Variants in TLE2 observed in about 807,000 individuals in gnomAD.
TLE2 encodes the protein transducin-like enhancer protein 2.
Under a neutral mutation model 97.2 loss-of-function variants are expected in TLE2, and 74 were observed. That is an observed-to-expected ratio of 0.76 (90% CI 0.63 to 0.92). TLE2 has a LOEUF of 0.92. Among genes scored for constraint, TLE2 ranks in the 40% least tolerant of loss-of-function variants. The pLI, the probability that TLE2 is intolerant of heterozygous loss-of-function variation, is 0.00. For synonymous variants in TLE2, 499 were observed against 432.1 expected (o/e 1.15, Z -1.92); for missense variants, 1,038 against 1,008.7 (o/e 1.03, Z -0.39).
At chr19:3,006,072 T>C (rs372734700) in intron 15 of TLE2, 104 bp from the exon 16 acceptor site, 81 of 1,383,192 alleles carry the variant, frequency 5.9e-5, no homozygotes, top group Non-Finnish European at 8.3e-5. Flanking sequence ...AGCCTCATCC[T>C]GATTAGCCTG....
At chr19:3,031,339 C>T (rs899035847), upstream of TLE2, among the ~76,000 whole-genome samples, 1 of 126,090 alleles carries the variant, frequency 7.9e-6, no homozygotes, top group African/African-American at 3.0e-5. Flanking sequence ...GATAAAGATA[C>T]AATTGTGTGT....
chr19:3,043,884 T>C (rs1215365356), intron 1 of TLE2, among the ~76,000 whole-genome samples: 4 of 152,050 alleles, frequency 2.6e-5, no homozygotes, highest in Non-Finnish European at 4.4e-5. Flanking sequence ...CTCGGGAGGC[T>C]GAGGCAGGAG....
In TLE2 at chr19:3,008,825, G is replaced by A. The variant is rs767466363; in HGVS notation, c.1250+44C>T. ...GGTAAGACCTCAGAGGAGGTGGGGG[G>A]CTGGCCCGGGACCCCAGGCAGGGAG... On this transcript the variant is annotated intron_variant, in intron 14 of 19. Coordinates refer to ENST00000262953, the MANE Select transcript of TLE2 (RefSeq NM_003260.5). 2.5e-5 allele frequency: 37 copies of A among 1,458,572 alleles called. No homozygotes were observed. The Admixed American group carries it at 6.1e-4, about 24-fold the overall frequency. The allele number at this position is 1,458,572 out of a possible 1,614,324, so 90.4% of individuals were successfully genotyped here. A position where few individuals can be genotyped will look rare whatever the true frequency, so the allele number is the denominator to read the frequency against.
rs891151007 is a variant in TLE2, at chr19:3,026,057, T to C, written c.232-975A>G. Among the ~76,000 whole-genome samples the C allele has an allele frequency of 2.0e-4, 30 of 151,898 alleles. 2 individuals carry two copies. Among genetic ancestry groups the C allele is most frequent in the Admixed American group, 6.6e-5 (1 of 15,248 alleles). ...GATAGAATCTAGGAGCCCATGAAGC[T>C]CAGAAGTTTGGGACCCCTCTCATCC... On this transcript the variant is annotated intron_variant, in intron 4 of 19. Coordinates refer to ENST00000262953, the MANE Select transcript of TLE2 (RefSeq NM_003260.5).
chr19:3,017,079 C>G lies in TLE2; in HGVS notation c.570+761G>C, dbSNP rs189245535. ...AAACACTACAGCCTTCTGGGTATCTCCCACACAGAAAGGCTTCAGGAAACC... is the reference window on the plus strand; with the variant it reads ...AAACACTACAGCCTTCTGGGTATCTGCCACACAGAAAGGCTTCAGGAAACC... On this transcript the variant is annotated intron_variant, in intron 8 of 19. Coordinates refer to ENST00000262953, the MANE Select transcript of TLE2 (RefSeq NM_003260.5). Among the ~76,000 whole-genome samples, 49 of 120,868 alleles carry G rather than the reference C, an allele frequency of 4.1e-4. No individual in the cohort carries two copies. The East Asian group carries it at 9.1e-3, about 22-fold the overall frequency. The allele number at this position is 120,868 out of a possible 152,430, so 79.3% of individuals were successfully genotyped here. A position where few individuals can be genotyped will look rare whatever the true frequency, so the allele number is the denominator to read the frequency against.
At chr19:3,035,334 G>T (rs1205847576) in intron 1 of TLE2, among the ~76,000 whole-genome samples, 1 of 152,124 alleles carries the variant, frequency 6.6e-6, no homozygotes, top group Non-Finnish European at 1.5e-5. Context: ...TCCAACGTGG[G>T]TAGAGTCCCC....
intron 1 of TLE2, among the ~76,000 whole-genome samples, chr19:3,037,061 G>C (rs943515791): frequency 6.6e-6 from 1 of 152,212 alleles, no homozygotes. Context: ...GAGGCAGGCG[G>C]ATCACCTGAG....
chr19:2,998,237 A>ATGTGTGTGTGTGTGTGTGTGTGTG (rs56398458), intron 19 of TLE2, among the ~76,000 whole-genome samples: 4 of 121,406 alleles, frequency 3.3e-5, no homozygotes, highest in African/African-American at 1.4e-4. Context: ...CGCCCGGCCA[A>ATGTGTGTGTGTGTGTGTGTGTGTG]TGTGTGTGTG....
intron 1 of TLE2, among the ~76,000 whole-genome samples, chr19:3,036,546 C>T (rs1160923299): frequency 1.3e-5 from 2 of 152,264 alleles, no homozygotes; most frequent in African/African-American, 2.4e-5. Flanking sequence ...CAGGCCTGTC[C>T]CCTCCCGCTG....
At chr19:3,018,956 G>A (rs777219948) in intron 7 of TLE2, among the ~76,000 whole-genome samples, 22 of 151,920 alleles carry the variant, frequency 1.4e-4, no homozygotes, top group Non-Finnish European at 2.6e-4. Flanking sequence ...TAGAGATGGC[G>A]TCTTGCTATG....
In TLE2 at chr19:3,022,484, G is replaced by T. The variant is rs576703897; in HGVS notation, c.294+2536C>A. Among the ~76,000 whole-genome samples the T allele has an allele frequency of 5.3e-5, 8 of 151,150 alleles. No individual in the cohort carries two copies. In the South Asian group the frequency reaches 1.5e-3, roughly 28 times the overall value. On this transcript the variant is annotated intron_variant, in intron 5 of 19. Coordinates refer to ENST00000262953, the MANE Select transcript of TLE2 (RefSeq NM_003260.5). The stretch of plus-strand genomic sequence containing the variant: ...GCAGAGATTGCAGTGAGCTGAGATC[G>T]TGCCATTGCACTCCAGCCCGGGCGA...
At chr19:2,998,227 C>T (rs1227809345) in intron 19 of TLE2, among the ~76,000 whole-genome samples, 1 of 143,772 alleles carries the variant, frequency 7.0e-6, no homozygotes, top group Non-Finnish European at 1.5e-5. Flanking sequence ...CCCGCAACCA[C>T]GCCCGGCCAA....
chr19:3,010,910 G>A (rs2089581578), intron 12 of TLE2, 112 bp downstream of exon 12: 1 of 1,409,062 alleles, frequency 7.1e-7, no homozygotes. Context: ...AAGGACCAAG[G>A]CAATGAACAC....
At chr19:3,027,963 A>T in intron 3 of TLE2, 90 bp from the exon 4 acceptor site, 1 of 1,303,656 alleles carries the variant, frequency 7.7e-7, no homozygotes, top group Non-Finnish European at 1.1e-6. Flanking sequence ...AAGAGTCCCC[A>T]GGTTCAGGGG....
chr19:3,006,055 C>G, intron 15 of TLE2, 87 bp from the exon 16 acceptor site: 2 of 1,482,264 alleles, frequency 1.3e-6, no homozygotes, highest in Non-Finnish European at 1.9e-6. Context: ...TCTCTGGAGC[C>G]CAATGTAGCC....
chr19:3,046,995 CCTG>C (rs1167341238), upstream of TLE2, among the ~76,000 whole-genome samples: 2 of 103,920 alleles, frequency 1.9e-5, no homozygotes, highest in African/African-American at 3.7e-5. Context: ...TCCCTCCCTT[CCTG>C]CTATTTTCTC....
At chr19:3,004,862 C>G (rs1257047694) in intron 17 of TLE2, among the ~76,000 whole-genome samples, 1 of 152,042 alleles carries the variant, frequency 6.6e-6, no homozygotes, top group Non-Finnish European at 1.5e-5. Context: ...CACAGCTGCC[C>G]CCAAAGCAGT....
chr19:3,045,055 A>C (rs1179374793), intron 1 of TLE2, among the ~76,000 whole-genome samples: 3 of 149,022 alleles, frequency 2.0e-5, no homozygotes, highest in African/African-American at 7.4e-5. Context: ...TTGTCCCTAC[A>C]AAAAAAAAAT....
At position 3,044,136 on chromosome 19, in the gene TLE2, G is replaced by A. The variant is rs190923034; in HGVS notation, c.63+1590C>T. The stretch of plus-strand genomic sequence containing the variant: ...TGCAGTGGGCCGAGACCTTGCCACT[G>A]CCCTCCAGCCTGGGCGACAGAGACT... On this transcript the variant is annotated intron_variant, in intron 1 of 18. Coordinates refer to the TLE2 transcript ENST00000426948. Among the ~76,000 whole-genome samples, 784 of 151,688 alleles carry A rather than the reference G, an allele frequency of 5.2e-3. 9 individuals carry two copies. The highest frequency in any genetic ancestry group is 0.018 in the African/African-American group (740 of 41,316).
Sources: allele counts gnomAD v4.1 joint callset (sites outside exome capture counted in the v4.1 genomes callset), GRCh38; gene constraint gnomAD v4.1.1; transcripts MANE v1.5; gene names NCBI Gene and HGNC (gene_info 2026-07-23, HGNC 2026-07-21).